UGT2B11: variants seen among roughly 807,000 people sequenced by gnomAD.
UGT2B11 encodes the protein UDP-glucuronosyltransferase 2B11.
Under a neutral mutation model 51.7 loss-of-function variants are expected in UGT2B11, and 49 were observed. The ratio of observed to expected loss-of-function variants is 0.95; its 90% confidence interval spans 0.75 to 1.20. UGT2B11 has a LOEUF of 1.20. Among genes scored for constraint, UGT2B11 ranks in the 50% most tolerant of loss-of-function variants. The pLI, the probability that UGT2B11 is intolerant of heterozygous loss-of-function variation, is 0.00. For synonymous variants in UGT2B11, 273 were observed against 209.0 expected (o/e 1.31, Z -2.64); for missense variants, 810 against 622.1 (o/e 1.30, Z -3.21).
chr4:69,205,410 T>A, intron 4 of UGT2B11, 70 bp downstream of exon 4: 3 of 1,551,708 alleles, frequency 1.9e-6, no homozygotes, highest in South Asian at 2.4e-5. Flanking sequence ...AAATATTCAA[T>A]AAGCATGTTT....
rs986899102 is a variant in UGT2B11 at position 69,212,422 on chromosome 4, A to G, written c.870+151T>C. The G allele has an allele frequency of 3.0e-6, 4 of 1,354,872 alleles. No homozygotes were observed. The African/African-American group carries it at 6.1e-5, about 21-fold the overall frequency. The allele number at this position is 1,354,872 out of a possible 1,614,324, so 83.9% of individuals were successfully genotyped here. A position where few individuals can be genotyped will look rare whatever the true frequency, so the allele number is the denominator to read the frequency against. On this transcript the variant is annotated intron_variant, in intron 2 of 5. Coordinates refer to ENST00000446444, the MANE Select transcript of UGT2B11 (RefSeq NM_001073.3). ...CTCACATACGTGTGACGGTATTAAC[A>G]TATACATGAGTTTCTAATTAGTATC...
chr4:69,214,188 T>G lies in UGT2B11; in HGVS notation c.535A>C (p.Thr179Pro), dbSNP rs760128060. ...VYSLRFTPGY[T>P]IERHSGGLIF... ...AGTCCTCCACTGTGCCTTTCAATTGTGTAGCCAGGAGTAAAGCGGAGACTG... is the reference window on the plus strand; with the variant it reads ...AGTCCTCCACTGTGCCTTTCAATTGGGTAGCCAGGAGTAAAGCGGAGACTG... Residue 179 changes from threonine (T) to proline (P), a missense_variant, in exon 1 of 6, where the codon ACA (threonine) becomes CCA (proline). By Grantham distance (38) the Thr-to-Pro change is conservative (BLOSUM62 -1). Transcript: ENST00000446444. The G allele has an allele frequency of 2.5e-6, 4 of 1,613,054 alleles. No individual in the cohort carries two copies. Among genetic ancestry groups the G allele is most frequent in the Non-Finnish European group, 3.4e-6 (4 of 1,179,414 alleles).
intron 2 of UGT2B11, among the ~76,000 whole-genome samples, chr4:69,210,804 A>G (rs973842630): frequency 2.6e-5 from 4 of 151,680 alleles, no homozygotes; most frequent in African/African-American, 9.7e-5. Flanking sequence ...ATAAAATTTC[A>G]GTTTTATGTA....
the UGT2B11 span, among the ~76,000 whole-genome samples, chr4:69,219,753 G>A: frequency 6.6e-6 from 1 of 152,084 alleles, no homozygotes; most frequent in Admixed American, 6.6e-5. Flanking sequence ...GGAAAAATGC[G>A]CTACAATGAT....
chr4:69,207,181 T>A (rs1188717784), intron 3 of UGT2B11, among the ~76,000 whole-genome samples: 1 of 151,638 alleles, frequency 6.6e-6, no homozygotes, highest in East Asian at 1.9e-4. Flanking sequence ...TTATTAACAC[T>A]TAGATAACGT....
At chr4:69,206,879 C>A (rs185388323) in intron 3 of UGT2B11, among the ~76,000 whole-genome samples, 1 of 151,320 alleles carries the variant, frequency 6.6e-6, no homozygotes, top group South Asian at 2.1e-4. Context: ...TATATTGGAG[C>A]CTGTTGTCCT....
intron 1 of UGT2B11, 53 bp from the exon 2 acceptor site, chr4:69,212,774 A>G: frequency 1.3e-6 from 2 of 1,557,206 alleles, no homozygotes; most frequent in African/African-American, 1.4e-5. Flanking sequence ...ATTACTTTAC[A>G]TACCTTTCTG....
At position 69,212,640 on chromosome 4, in the gene UGT2B11, T is replaced by A; in HGVS notation, c.803A>T (p.His268Leu). Residue 268 changes from histidine (H) to leucine (L), a missense_variant, in exon 2 of 6, where the codon CAT (histidine) becomes CTT (leucine). His to Leu is a moderately conservative substitution (Grantham distance 99). Coordinates refer to ENST00000446444, the MANE Select transcript of UGT2B11 (RefSeq NM_001073.3). ...MRNSWSFQFP[H>L]PFLPNVDFVG... is the part of the protein sequence containing the mutation. ...AAAATCAACGTTTGGTAAGAATGGA[T>A]GAGGAAATTGAAAACTCCAGGAGTT... The A allele has an allele frequency of 2.5e-6, 4 of 1,610,570 alleles. No individual in the cohort carries two copies. Among genetic ancestry groups the A allele is most frequent in the Non-Finnish European group, 3.4e-6 (4 of 1,177,724 alleles).
intron 2 of UGT2B11, among the ~76,000 whole-genome samples, chr4:69,209,180 T>C (rs13119170): frequency 4.6e-5 from 7 of 150,916 alleles, no homozygotes; most frequent in South Asian, 2.1e-4. Flanking sequence ...TCATTTATCA[T>C]ATGGAATTGT....
chr4:69,215,941 T>G (rs1722260401), upstream of UGT2B11: 1 of 152,054 alleles, frequency 6.6e-6, no homozygotes, highest in Non-Finnish European at 1.5e-5. Context: ...TCTCACTTCT[T>G]TTTGTTAAAA....
intron 3 of UGT2B11, among the ~76,000 whole-genome samples, chr4:69,208,103 T>G (rs1721924317): frequency 6.6e-6 from 1 of 151,538 alleles, no homozygotes; most frequent in African/African-American, 2.4e-5. Context: ...TACGGAGTAC[T>G]GAGTTCCCAC....
At chr4:69,204,102 T>C (rs1721758651) in intron 5 of UGT2B11, among the ~76,000 whole-genome samples, 2 of 151,654 alleles carry the variant, frequency 1.3e-5, no homozygotes, top group East Asian at 3.9e-4. Context: ...AATTAAAACA[T>C]TTTATTATAT....
chr4:69,200,616 C>T lies in UGT2B11; in HGVS notation c.1414G>A (p.Gly472Arg), dbSNP rs752225847. 1 of 1,612,414 alleles carries T rather than the reference C, an allele frequency of 6.2e-7. No homozygotes were observed. The highest frequency in any genetic ancestry group is 1.7e-5 in the Admixed American group (1 of 59,844). The change falls in exon 6 of 6, where the codon GGA becomes AGA. Residue 472 changes from glycine (G) to arginine (R), a missense_variant. Physicochemically the swap from Gly to Arg is moderately radical, Grantham distance 125. Transcript: ENST00000446444. ...GCTGCAACTCGAAGGTGTTTGGCTCCTTTGTGGGGCATGACAAATTCAATC... is the reference window on the plus strand; with the variant it reads ...GCTGCAACTCGAAGGTGTTTGGCTCTTTTGTGGGGCATGACAAATTCAATC... Reference protein sequence around the residue: ...FWIEFVMPHKGAKHLRVAAHD... With the variant: ...FWIEFVMPHKRAKHLRVAAHD...
At chr4:69,201,895 A>G (rs1486448433) in intron 5 of UGT2B11, among the ~76,000 whole-genome samples, 1 of 151,860 alleles carries the variant, frequency 6.6e-6, no homozygotes, top group Non-Finnish European at 1.5e-5. Context: ...TTATCTTGAG[A>G]TGAAGATACC....
intron 5 of UGT2B11, among the ~76,000 whole-genome samples, chr4:69,202,022 C>T (rs891849362): frequency 1.3e-5 from 2 of 151,678 alleles, no homozygotes; most frequent in African/African-American, 2.4e-5. Context: ...AGCCTGACTT[C>T]GAATAACAAC....
chr4:69,208,155 CT>C lies in UGT2B11; in HGVS notation c.1002+195del, dbSNP rs1450566257. On this transcript the variant is annotated intron_variant, in intron 3 of 5. Coordinates refer to ENST00000446444, the MANE Select transcript of UGT2B11 (RefSeq NM_001073.3). ...CACTCATGAATACCAAGGGTAGTAA[CT>C]CCCCCAGGGCCACATGTAACCACTA... is the stretch of plus-strand genomic sequence containing the variant. Among the ~76,000 whole-genome samples the C allele has an allele frequency of 3.3e-5, 5 of 151,630 alleles. No individual in the cohort carries two copies. The East Asian group carries it at 9.8e-4, about 30-fold the overall frequency.
intron 3 of UGT2B11, among the ~76,000 whole-genome samples, chr4:69,207,841 C>T (rs1315384864): frequency 6.6e-6 from 1 of 151,596 alleles, no homozygotes; most frequent in Non-Finnish European, 1.5e-5. Flanking sequence ...ATCTTCTTCA[C>T]TCATTGGATA....
the UGT2B11 span, among the ~76,000 whole-genome samples, chr4:69,224,835 G>A: frequency 6.6e-6 from 1 of 152,060 alleles, no homozygotes; most frequent in East Asian, 1.9e-4. Context: ...CAAGCGGGTA[G>A]CTAGTGTTAG....
intron 5 of UGT2B11, chr4:69,201,298 C>T (rs1331062420): frequency 6.6e-6 from 1 of 151,848 alleles, no homozygotes; most frequent in Non-Finnish European, 1.5e-5. Context: ...AGTGACATAC[C>T]TCATAGCTCG....
Sources: gnomAD v4.1 joint callset for allele counts (sites outside exome capture counted in the v4.1 genomes callset) on GRCh38, gnomAD v4.1.1 for gene constraint, MANE v1.5 for transcripts, NCBI Gene and HGNC (gene_info 2026-07-23, HGNC 2026-07-21) for gene names.